The following PELI2 variants were observed in gnomAD, a reference collection of about 807,000 sequenced individuals.
PELI2 encodes E3 ubiquitin-protein ligase pellino homolog 2.
A neutral mutation model predicts 42.3 loss-of-function variants in PELI2; 23 were observed. The observed-to-expected ratio is 0.54, with a 90% CI of 0.39 to 0.77. The LOEUF is 0.77. Among genes scored for constraint, PELI2 ranks in the 30% least tolerant of loss-of-function variants. The pLI, the probability that PELI2 is intolerant of heterozygous loss-of-function variation, is 0.00. For missense variants in PELI2, 463 were observed against 553.2 expected (o/e 0.84, Z 1.64); for synonymous variants, 245 against 212.2 (o/e 1.15, Z -1.34).
chr14:56,178,308 G>A (rs772457528), intron 1 of PELI2, 27 bp from the exon 2 acceptor site: 3 of 1,611,634 alleles, frequency 1.9e-6, no homozygotes, highest in African/African-American at 1.3e-5. Flanking sequence ...TCTGCAGATA[G>A]ATGAACTCTT....
At chr14:56,235,314 A>G (rs556759489) in intron 2 of PELI2, among the ~76,000 whole-genome samples, 34 of 152,354 alleles carry the variant, frequency 2.2e-4, no homozygotes, top group African/African-American at 7.5e-4. Context: ...TATAACTACA[A>G]TGTCAAGATA....
At chr14:56,270,461 A>G (rs1889063714) in intron 2 of PELI2, among the ~76,000 whole-genome samples, 1 of 152,228 alleles carries the variant, frequency 6.6e-6, no homozygotes, top group Non-Finnish European at 1.5e-5. Flanking sequence ...CCCTGTAGCA[A>G]ATTGAACCAG....
At chr14:56,192,377 G>A (rs956738366) in intron 2 of PELI2, among the ~76,000 whole-genome samples, 1 of 152,116 alleles carries the variant, frequency 6.6e-6, no homozygotes, top group African/African-American at 2.4e-5. Context: ...CTAATTAAAG[G>A]TTGAGAGTTT....
chr14:56,222,046 GGCTGCTAT>G (rs1258159991), intron 2 of PELI2, among the ~76,000 whole-genome samples: 1 of 151,480 alleles, frequency 6.6e-6, no homozygotes, highest in African/African-American at 2.4e-5. Flanking sequence ...AATGGCCCTA[GGCTGCTAT>G]TCTTTTTTAG....
intron 1 of PELI2, chr14:56,145,117 G>GGGCAAAC (rs1884067500): frequency 4.3e-6 from 1 of 234,444 alleles, no homozygotes; most frequent in Non-Finnish European, 7.0e-6. Context: ...GGCTGTGCAG[G>GGGCAAAC]TAGTGTGGCT....
rs1487413270 is a variant in PELI2 at position 56,197,781 on chromosome 14, A to G, written c.207+19317A>G. ...TGCATAGAACGAAAAGATTAACCCA[A>G]TCCAAGCAAGAGGGAATTATCAGCA... is the stretch of plus-strand genomic sequence containing the variant. On this transcript the variant is annotated intron_variant, in intron 2 of 5. Transcript: ENST00000267460. This position sits in a 1 kb window ranked among gnomAD's most constrained non-coding sequence, Gnocchi z 4.9. Among the ~76,000 whole-genome samples the G allele has an allele frequency of 6.6e-6, 1 of 152,152 alleles. No individual in the cohort carries two copies. Among genetic ancestry groups the G allele is most frequent in the East Asian group, 1.9e-4 (1 of 5,190 alleles).
intron 1 of PELI2, among the ~76,000 whole-genome samples, chr14:56,155,538 T>A (rs182676398): frequency 6.6e-6 from 1 of 152,070 alleles, no homozygotes; most frequent in African/African-American, 2.4e-5. Context: ...TCTGAAGTGT[T>A]TCTTCTGTTC....
At chr14:56,167,806 C>T (rs12883407) in intron 1 of PELI2, among the ~76,000 whole-genome samples, 60,553 of 151,966 alleles carry the variant, frequency 0.4, 12,880 homozygotes, top group South Asian at 0.53. Flanking sequence ...TTATTTGTAG[C>T]CCTCCTTTTT....
chr14:56,154,737 T>C (rs1368994915), intron 1 of PELI2, among the ~76,000 whole-genome samples: 14 of 152,170 alleles, frequency 9.2e-5, no homozygotes. Context: ...AAACTTGACT[T>C]ACATTTCAAA....
intron 2 of PELI2, among the ~76,000 whole-genome samples, chr14:56,189,765 A>G (rs144541442): frequency 4.5e-4 from 69 of 152,338 alleles, no homozygotes; most frequent in African/African-American, 1.7e-3. Context: ...AAAAATTAAA[A>G]CTGCATCATC....
intron 1 of PELI2, among the ~76,000 whole-genome samples, chr14:56,175,295 C>G (rs1885332000): frequency 6.6e-6 from 1 of 152,202 alleles, no homozygotes; most frequent in African/African-American, 2.4e-5. Context: ...CGTGCCTGGC[C>G]AAGATTTCGA....
intron 2 of PELI2, among the ~76,000 whole-genome samples, chr14:56,260,148 C>A (rs1486097427): frequency 3.9e-5 from 6 of 152,048 alleles, no homozygotes; most frequent in Non-Finnish European, 7.4e-5. Context: ...TATGACCCAG[C>A]AATCCCCCTC....
intron 2 of PELI2, among the ~76,000 whole-genome samples, chr14:56,255,344 A>G (rs1362419555): frequency 6.6e-6 from 1 of 152,172 alleles, no homozygotes; most frequent in African/African-American, 2.4e-5. Flanking sequence ...CAGGGACATG[A>G]ATGAAGCTGG....
chr14:56,156,091 G>T (rs1003376837), intron 1 of PELI2, among the ~76,000 whole-genome samples: 5 of 151,986 alleles, frequency 3.3e-5, no homozygotes, highest in Admixed American at 3.3e-4. Context: ...CTTTAATTAC[G>T]TGAAATAAAT....
intron 2 of PELI2, among the ~76,000 whole-genome samples, chr14:56,242,730 T>C (rs1297529412): frequency 6.6e-6 from 1 of 152,220 alleles, no homozygotes; most frequent in East Asian, 1.9e-4. Flanking sequence ...GAGACCATTA[T>C]TCTAAGTGAA....
chr14:56,198,448 G>A (rs917114575), intron 2 of PELI2, among the ~76,000 whole-genome samples: 4 of 152,202 alleles, frequency 2.6e-5, no homozygotes, highest in African/African-American at 2.4e-5. Flanking sequence ...TGTGCCTAAG[G>A]CAGACTGGAG....
chr14:56,193,968 A>G (rs1450739779), intron 2 of PELI2, among the ~76,000 whole-genome samples: 1 of 152,178 alleles, frequency 6.6e-6, no homozygotes, highest in African/African-American at 2.4e-5. Context: ...TTGCTTAGCT[A>G]GCTTGAGCCT....
rs1052180907 is a variant in PELI2 at position 56,201,189 on chromosome 14, G to A, written c.207+22725G>A. ...TAAAATGGAACTGTAGATAAGTACC[G>A]TTTCCATGCAGTTCTTCAAATTCAG... On this transcript the variant is annotated intron_variant, in intron 2 of 5. Transcript: ENST00000267460. Among the ~76,000 whole-genome samples, 16 of 152,184 alleles carry A rather than the reference G, an allele frequency of 1.1e-4. 1 individual carries two copies. The highest frequency in any genetic ancestry group is 8.5e-4 in the Admixed American group (13 of 15,278).
At chr14:56,157,538 C>A (rs1039788946) in intron 1 of PELI2, among the ~76,000 whole-genome samples, 12 of 151,940 alleles carry the variant, frequency 7.9e-5, no homozygotes, top group Non-Finnish European at 1.6e-4. Context: ...CACTCCCCCC[C>A]AAAAAAAATC....
Sources: gnomAD v4.1 joint callset for allele counts (sites outside exome capture counted in the v4.1 genomes callset) on GRCh38, gnomAD v4.1.1 for gene constraint, Gnocchi (gnomAD v3.1) non-coding constraint, MANE v1.5 for transcripts, NCBI Gene and HGNC (gene_info 2026-07-23, HGNC 2026-07-21) for gene names.